CACNA1C: variants seen among roughly 807,000 people sequenced by gnomAD.
CACNA1C encodes the protein voltage-dependent L-type calcium channel subunit alpha-1C.
In CACNA1C, 30 loss-of-function variants were observed where a neutral mutation model predicts 229.0. The ratio of observed to expected loss-of-function variants is 0.13; its 90% CI spans 0.10 to 0.18. The LOEUF is 0.18. Ranked by LOEUF, CACNA1C falls within the 10% of genes least tolerant of loss-of-function variation. The pLI is 1.00. For missense variants in CACNA1C, 1,658 were observed against 2,845.0 expected, an observed-to-expected ratio of 0.58 and a Z score of 9.49; for synonymous variants, 1,114 against 1,132.5, an observed-to-expected ratio of 0.98 and a Z score of 0.33.
intron 18 of CACNA1C, among the ~76,000 whole-genome samples, chr12:2,586,882 C>T (rs1434435307): frequency 1.3e-5 from 2 of 152,176 alleles, no homozygotes; most frequent in South Asian, 2.1e-4. Flanking sequence ...ACAGGAAGGG[C>T]GTTTTCATAT....
At chr12:2,570,943 G>A (rs1189182213) in intron 13 of CACNA1C, among the ~76,000 whole-genome samples, 1 of 152,204 alleles carries the variant, frequency 6.6e-6, no homozygotes, top group Non-Finnish European at 1.5e-5. Context: ...TCCTGAATAT[G>A]TTGGCATTAC....
At chr12:2,186,496 T>C (rs1004613525) in intron 3 of CACNA1C, among the ~76,000 whole-genome samples, 1 of 152,202 alleles carries the variant, frequency 6.6e-6, no homozygotes. Flanking sequence ...CCTTCACTTT[T>C]TTTTATTTTA....
chr12:2,300,670 A>G (rs985958145), intron 3 of CACNA1C, among the ~76,000 whole-genome samples: 1 of 152,132 alleles, frequency 6.6e-6, no homozygotes, highest in Non-Finnish European at 1.5e-5. Flanking sequence ...CCTTTCTTTC[A>G]GGGAATTGGC....
At chr12:2,510,263 C>G (rs117405685) in intron 8 of CACNA1C, among the ~76,000 whole-genome samples, 2,821 of 152,252 alleles carry the variant, frequency 0.019, 36 homozygotes, top group Non-Finnish European at 0.024. Flanking sequence ...GGCATCCAGG[C>G]AAGGAGATAA....
At chr12:2,581,081 A>C (rs1009949199) in intron 13 of CACNA1C, among the ~76,000 whole-genome samples, 1 of 152,208 alleles carries the variant, frequency 6.6e-6, no homozygotes, top group Admixed American at 6.5e-5. Flanking sequence ...GGCTGAGCTC[A>C]GACTGGCATT....
chr12:2,264,504 G>T (rs2081552355), intron 3 of CACNA1C, among the ~76,000 whole-genome samples: 2 of 152,238 alleles, frequency 1.3e-5, no homozygotes, highest in African/African-American at 2.4e-5. Context: ...GAAGCTTCAT[G>T]ACCTAGGGCA....
At chr12:2,474,649 G>A (rs986752611) in intron 5 of CACNA1C, among the ~76,000 whole-genome samples, 2 of 151,958 alleles carry the variant, frequency 1.3e-5, no homozygotes, top group African/African-American at 2.4e-5. Flanking sequence ...CCAGTTGCTC[G>A]GGAGGCTGAG....
chr12:2,555,108 G>T (rs1176885673), intron 10 of CACNA1C, among the ~76,000 whole-genome samples: 1 of 152,234 alleles, frequency 6.6e-6, no homozygotes, highest in Non-Finnish European at 1.5e-5. Flanking sequence ...GCCACAGAAG[G>T]ACCTGTAGTC....
At position 2,585,535 on chromosome 12, in the gene CACNA1C, G is replaced by T; in HGVS notation, c.2460+39G>T. ...TCCTTCCTGGAGCTGTGAGGCCGGT[G>T]CTGGGGAGGGAGGGCCACAGCCTTC... is the stretch of plus-strand genomic sequence containing the variant. On this transcript the variant is annotated intron_variant, in intron 17 of 46. Coordinates refer to ENST00000399655, the MANE Select transcript of CACNA1C (RefSeq NM_000719.7). The surrounding 1 kb of genome is among the most constrained non-coding windows in gnomAD (Gnocchi z 4.1). The T allele has an allele frequency of 6.6e-7, 1 of 1,516,752 alleles. No homozygotes were observed. The highest frequency in any genetic ancestry group is 8.9e-7 in the Non-Finnish European group (1 of 1,129,068). The allele number at this position is 1,516,752 out of a possible 1,614,324, so 94.0% of individuals were successfully genotyped here.
intron 5 of CACNA1C, among the ~76,000 whole-genome samples, chr12:2,475,537 A>G (rs928799008): frequency 6.6e-6 from 1 of 152,236 alleles, no homozygotes; most frequent in Non-Finnish European, 1.5e-5. Flanking sequence ...GATATGGAAA[A>G]GAACCAAATG....
At chr12:2,361,100 G>A (rs1266416492) in intron 3 of CACNA1C, among the ~76,000 whole-genome samples, 3 of 151,872 alleles carry the variant, frequency 2.0e-5, no homozygotes, top group Non-Finnish European at 2.9e-5. Context: ...GAAGGTTGGG[G>A]GGCTGGGATC....
intron 1 of CACNA1C, among the ~76,000 whole-genome samples, chr12:2,099,235 G>C (rs2075445921): frequency 6.6e-6 from 1 of 152,248 alleles, no homozygotes; most frequent in South Asian, 2.1e-4. Flanking sequence ...TCTTGCCCAT[G>C]TTTCTCAGCT....
intron 9 of CACNA1C, among the ~76,000 whole-genome samples, chr12:2,541,131 C>T (rs1334156751): frequency 6.6e-6 from 1 of 152,148 alleles, no homozygotes; most frequent in Non-Finnish European, 1.5e-5. Flanking sequence ...CTCATGACCT[C>T]ATCTTAATCT....
At chr12:2,318,116 T>C (rs1417058875) in intron 3 of CACNA1C, among the ~76,000 whole-genome samples, 2 of 151,720 alleles carry the variant, frequency 1.3e-5, no homozygotes, top group African/African-American at 4.9e-5. Context: ...GCCCAGGGTT[T>C]GGAATAGACA....
chr12:2,626,202 C>G (rs2086404458), intron 29 of CACNA1C, among the ~76,000 whole-genome samples: 1 of 152,246 alleles, frequency 6.6e-6, no homozygotes, highest in Non-Finnish European at 1.5e-5. Context: ...ACAGCCACCT[C>G]TGCCCAGCGC....
intron 3 of CACNA1C, among the ~76,000 whole-genome samples, chr12:2,298,560 G>A (rs973907169): frequency 3.9e-5 from 6 of 152,082 alleles, no homozygotes; most frequent in African/African-American, 1.4e-4. Flanking sequence ...GCCTCCCAGA[G>A]TGCTGGGATT....
rs1039758628 is a variant in CACNA1C, at chr12:2,329,675, G to A, written c.478-119301G>A. On this transcript the variant is annotated intron_variant, in intron 3 of 46. Coordinates refer to ENST00000399655, the MANE Select transcript of CACNA1C (RefSeq NM_000719.7). ...GCTGCTATAGATGTTGTGTGGTTGT[G>A]TGATTATGGGGACATGGTGAAGAGT... Among the ~76,000 whole-genome samples the A allele has an allele frequency of 3.9e-4, 59 of 152,216 alleles. 1 individual carries two copies. Among genetic ancestry groups the A allele is most frequent in the African/African-American group, 1.4e-3 (58 of 41,454 alleles).
chr12:2,557,063 A>G (rs1212400571), intron 11 of CACNA1C, 86 bp downstream of exon 11: 41 of 1,071,168 alleles, frequency 3.8e-5, no homozygotes, highest in Non-Finnish European at 1.4e-6. Flanking sequence ...GGTAATACCT[A>G]CAAGTTGCCA....
chr12:2,047,566 A>G (rs369011131), intron 1 of CACNA1C, among the ~76,000 whole-genome samples: 1 of 152,258 alleles, frequency 6.6e-6, no homozygotes. Context: ...CACCAGGCAT[A>G]TTAAATGATG....
Sources: allele counts gnomAD v4.1 joint callset (sites outside exome capture counted in the v4.1 genomes callset), GRCh38; gene constraint gnomAD v4.1.1; non-coding constraint Gnocchi (gnomAD v3.1); transcripts MANE v1.5; gene names NCBI Gene and HGNC (gene_info 2026-07-23, HGNC 2026-07-21).